Variants in PHF24 observed in about 807,000 individuals in gnomAD.
PHF24 encodes PHD finger protein 24.
A neutral mutation model predicts 42.6 loss-of-function variants in PHF24; 25 were observed. The ratio of observed to expected loss-of-function variants is 0.59; its 90% CI spans 0.43 to 0.82. The LOEUF (loss-of-function observed/expected upper bound fraction) is 0.82, where lower values mean the gene tolerates loss of function less well. Among genes scored for constraint, PHF24 ranks in the 40% least tolerant of loss-of-function variants. The pLI is 0.00. For synonymous variants in PHF24, 185 were observed against 204.8 expected (o/e 0.90, Z 0.83); for missense variants, 470 against 538.1 (o/e 0.87, Z 1.25).
chr9:34,719,323 G>A, the PHF24 span, among the ~76,000 whole-genome samples: 2 of 152,208 alleles, frequency 1.3e-5, no homozygotes, highest in African/African-American at 2.4e-5. Context: ...ATAGGCGGGA[G>A]CCACAGCGCC....
the PHF24 span, among the ~76,000 whole-genome samples, chr9:34,756,704 A>G: frequency 1.3e-5 from 2 of 152,010 alleles, no homozygotes; most frequent in African/African-American, 2.4e-5. Context: ...GAGGTCTTCT[A>G]TGGTTGCATA....
At chr9:34,966,062 GAACAA>G (rs1826756003) in intron 1 of PHF24, among the ~76,000 whole-genome samples, 1 of 152,132 alleles carries the variant, frequency 6.6e-6, no homozygotes, top group African/African-American at 2.4e-5. Context: ...ATAGCCCTAA[GAACAA>G]AGAAGATACT....
chr9:34,797,234 A>G, the PHF24 span, among the ~76,000 whole-genome samples: 1 of 152,166 alleles, frequency 6.6e-6, no homozygotes, highest in Non-Finnish European at 1.5e-5. Context: ...GTGAATGTTT[A>G]CAGATCCTGA....
At chr9:34,909,511 T>C in the PHF24 span, among the ~76,000 whole-genome samples, 4 of 151,940 alleles carry the variant, frequency 2.6e-5, no homozygotes, top group Admixed American at 2.6e-4. Context: ...CTTCTCTGTC[T>C]GTCACAATTT....
At chr9:34,669,935 T>C in the PHF24 span, among the ~76,000 whole-genome samples, 1 of 152,154 alleles carries the variant, frequency 6.6e-6, no homozygotes. Context: ...TGGGCCAGGC[T>C]GACCTCTGGG....
At chr9:34,758,124 T>C in the PHF24 span, among the ~76,000 whole-genome samples, 1 of 152,116 alleles carries the variant, frequency 6.6e-6, no homozygotes, top group Non-Finnish European at 1.5e-5. The surrounding 1 kb of genome is among the most constrained non-coding windows in gnomAD (Gnocchi z 4.4). Flanking sequence ...CATGGGGCTA[T>C]TCATCAGGCC....
chr9:34,718,635 C>T, the PHF24 span, among the ~76,000 whole-genome samples: 12 of 152,236 alleles, frequency 7.9e-5, no homozygotes, highest in African/African-American at 2.9e-4. Context: ...GCTGGTTAAG[C>T]AGCAGAGGCC....
the PHF24 span, chr9:34,917,835 G>C: frequency 6.8e-7 from 1 of 1,465,280 alleles, no homozygotes; most frequent in Admixed American, 1.7e-5. Context: ...TCTCTGGGTG[G>C]CTCGTTTCAT....
chr9:34,904,324 A>C, the PHF24 span, among the ~76,000 whole-genome samples: 1 of 152,018 alleles, frequency 6.6e-6, no homozygotes, highest in East Asian at 1.9e-4. Context: ...GAATACTTTC[A>C]ACCTTTCCCC....
intron 1 of PHF24, among the ~76,000 whole-genome samples, chr9:34,966,582 C>CT (rs897386920): frequency 1.1e-4 from 16 of 150,622 alleles, no homozygotes; most frequent in African/African-American, 3.9e-4. Context: ...ATGGCGAGAC[C>CT]CCCCCCCTCG....
At chr9:34,719,934 C>T in the PHF24 span, among the ~76,000 whole-genome samples, 2 of 152,170 alleles carry the variant, frequency 1.3e-5, no homozygotes, top group East Asian at 1.9e-4. Context: ...ATGGGCTGGG[C>T]CCCCATCCCT....
chr9:34,750,501 A>C, the PHF24 span, among the ~76,000 whole-genome samples: 36 of 102,172 alleles, frequency 3.5e-4, no homozygotes, highest in Middle Eastern at 6.9e-3. Context: ...AAAATAAATA[A>C]ATAAATAAAT....
At chr9:34,837,146 T>C in the PHF24 span, 2 of 471,066 alleles carry the variant, frequency 4.2e-6, no homozygotes, top group African/African-American at 2.0e-5. Flanking sequence ...CAGAAGACAG[T>C]GTTATAGTAG....
At chr9:34,863,206 C>T in the PHF24 span, among the ~76,000 whole-genome samples, 2 of 152,134 alleles carry the variant, frequency 1.3e-5, no homozygotes, top group African/African-American at 4.8e-5. Flanking sequence ...GAACTTGACA[C>T]CCTGAAGGGA....
the PHF24 span, among the ~76,000 whole-genome samples, chr9:34,680,516 G>T: frequency 1.5e-4 from 22 of 150,734 alleles, 1 homozygote; most frequent in East Asian, 4.3e-3. Context: ...GTGAAACCCC[G>T]TCTCTACTAA....
the PHF24 span, among the ~76,000 whole-genome samples, chr9:34,868,444 G>A: frequency 2.0e-5 from 3 of 152,166 alleles, no homozygotes; most frequent in African/African-American, 7.2e-5. Flanking sequence ...TGAACACCCT[G>A]TGGTTGCTTC....
the PHF24 span, among the ~76,000 whole-genome samples, chr9:34,898,741 G>GT: frequency 6.6e-6 from 1 of 152,182 alleles, no homozygotes; most frequent in African/African-American, 2.4e-5. Context: ...CTATGCAGCT[G>GT]TAACAGTTTT....
At chr9:34,875,934 A>ACT in the PHF24 span, among the ~76,000 whole-genome samples, 433 of 77,942 alleles carry the variant, frequency 5.6e-3, 7 homozygotes, top group Middle Eastern at 0.011. Flanking sequence ...ACACACACAC[A>ACT]CACACACACA....
At chr9:34,889,502 T>C in the PHF24 span, 2 of 398,490 alleles carry the variant, frequency 5.0e-6, no homozygotes, top group Non-Finnish European at 8.8e-6. Context: ...TCTCAATGTT[T>C]TTTGTCCTGT....
Sources: gnomAD v4.1 joint callset for allele counts (sites outside exome capture counted in the v4.1 genomes callset) on GRCh38, gnomAD v4.1.1 for gene constraint, Gnocchi (gnomAD v3.1) non-coding constraint, MANE v1.5 for transcripts, NCBI Gene and HGNC (gene_info 2026-07-23, HGNC 2026-07-21) for gene names.